Variants in LUC7L3 observed in about 807,000 individuals in gnomAD.
LUC7L3 encodes LUC7 like 3 pre-mRNA splicing factor.
LUC7L3 carries 6 observed loss-of-function variants against 66.8 expected under a neutral mutation model. The observed-to-expected ratio is 0.09, with a 90% CI of 0.05 to 0.18. The LOEUF is 0.18. LUC7L3 is among the 10% of genes least tolerant of loss of function. The pLI, the probability that LUC7L3 is intolerant of heterozygous loss-of-function variation, is 1.00. For synonymous variants in LUC7L3, 160 were observed against 174.7 expected (o/e 0.92, Z 0.66); for missense variants, 341 against 531.1 (o/e 0.64, Z 3.52).
intron 3 of LUC7L3, among the ~76,000 whole-genome samples, chr17:50,740,747 A>G (rs772507822): frequency 1.3e-5 from 2 of 152,170 alleles, no homozygotes; most frequent in Non-Finnish European, 2.9e-5. Flanking sequence ...TTTAGTAGAG[A>G]CAGGGTTTCA....
In LUC7L3 at chr17:50,741,741, G is replaced by C. The variant is rs200037704; in HGVS notation, c.426+10G>C. On this transcript the variant is annotated intron_variant, in intron 5 of 9. Coordinates refer to ENST00000505658, the MANE Select transcript of LUC7L3 (RefSeq NM_016424.5). ...TGTACTTCTGCAACAGGTGAGAATT[G>C]TGTGCATTAATGTCAGGAAGTAATG... The C allele has an allele frequency of 8.1e-6, 13 of 1,603,082 alleles. No homozygotes were observed. The highest frequency in any genetic ancestry group is 1.1e-5 in the Non-Finnish European group (13 of 1,170,578).
At chr17:50,738,839 G>A (rs774642380) in intron 2 of LUC7L3, among the ~76,000 whole-genome samples, 18 of 152,034 alleles carry the variant, frequency 1.2e-4, no homozygotes, top group Non-Finnish European at 1.6e-4. Context: ...AAGTGATCAG[G>A]ACAGTGAATG....
intron 1 of LUC7L3, chr17:50,736,636 G>T (rs553552655): frequency 1.7e-4 from 45 of 269,290 alleles, no homozygotes; most frequent in Non-Finnish European, 2.1e-4. Flanking sequence ...TAAGAATAGC[G>T]TAAGAGTTTT....
chr17:50,723,345 AT>A (rs1324398265), intron 1 of LUC7L3: 11 of 152,352 alleles, frequency 7.2e-5, no homozygotes, highest in African/African-American at 2.6e-4. Flanking sequence ...AAATTGAACT[AT>A]GTTCTTTTCT....
chr17:50,741,775 A>G, intron 5 of LUC7L3, 44 bp downstream of exon 5: 1 of 1,466,478 alleles, frequency 6.8e-7, no homozygotes, highest in South Asian at 1.1e-5. Flanking sequence ...TGTGAAACAG[A>G]CATGTAACCA....
Position 50,751,147 on chromosome 17 carries a change from G to C in LUC7L3, c.*486G>C. The C allele has an allele frequency of 3.4e-6, 5 of 1,473,632 alleles. No individual in the cohort carries two copies. The highest frequency in any genetic ancestry group is 4.5e-6 in the Non-Finnish European group (5 of 1,118,146). The allele number at this position is 1,473,632 out of a possible 1,614,324, so 91.3% of individuals were successfully genotyped here. ...CTACTTTGTTTTAATTAAACTGCTA[G>C]TATTTCTTTGTCAAGGATGTTTCTA... On this transcript the variant is annotated 3_prime_UTR_variant, in exon 10 of 10. Transcript: ENST00000505658.
At chr17:50,726,739 G>C (rs1207868012) in intron 1 of LUC7L3, among the ~76,000 whole-genome samples, 1 of 152,068 alleles carries the variant, frequency 6.6e-6, no homozygotes, top group Non-Finnish European at 1.5e-5. Flanking sequence ...CTTACTTATA[G>C]TTATTTTTTT....
At chr17:50,748,246 A>G (rs1970798687) in intron 9 of LUC7L3, 1 of 152,158 alleles carries the variant, frequency 6.6e-6, no homozygotes, top group Non-Finnish European at 1.5e-5. Flanking sequence ...TAATTTCTGG[A>G]TAGAGCAAAA....
chr17:50,730,197 C>T (rs1202529623), intron 1 of LUC7L3, among the ~76,000 whole-genome samples: 1 of 151,742 alleles, frequency 6.6e-6, no homozygotes. Flanking sequence ...GTCTCGAACT[C>T]CTGAGCTTAA....
At chr17:50,748,005 A>T (rs1273647500) in intron 9 of LUC7L3, among the ~76,000 whole-genome samples, 1 of 152,230 alleles carries the variant, frequency 6.6e-6, no homozygotes, top group East Asian at 1.9e-4. Flanking sequence ...GTCAACTCTT[A>T]AGAGCCAGGT....
At chr17:50,737,522 A>G (rs1289184250) in intron 2 of LUC7L3, 3 of 286,344 alleles carry the variant, frequency 1.0e-5, no homozygotes, top group African/African-American at 2.3e-5. Flanking sequence ...TGAAAATGAG[A>G]GAGATTAGTC....
chr17:50,723,270 A>C (rs1490024547), intron 1 of LUC7L3: 1 of 152,254 alleles, frequency 6.6e-6, no homozygotes, highest in South Asian at 2.1e-4. Flanking sequence ...TCTTCCATTT[A>C]TCAAACTCAA....
chr17:50,727,831 C>T (rs1417258024), intron 1 of LUC7L3, among the ~76,000 whole-genome samples: 2 of 151,800 alleles, frequency 1.3e-5, no homozygotes, highest in Non-Finnish European at 2.9e-5. Context: ...ATAGGCCGGG[C>T]GTGGTGGCTC....
At chr17:50,731,333 C>T (rs951165742) in intron 1 of LUC7L3, among the ~76,000 whole-genome samples, 6 of 152,016 alleles carry the variant, frequency 3.9e-5, no homozygotes, top group Non-Finnish European at 5.9e-5. Flanking sequence ...TATGCCTGGC[C>T]AGTTTTTGTA....
chr17:50,739,166 C>T (rs921871812), intron 2 of LUC7L3, among the ~76,000 whole-genome samples: 1 of 152,106 alleles, frequency 6.6e-6, no homozygotes, highest in Non-Finnish European at 1.5e-5. Context: ...TAATTCTCAT[C>T]TACTACAGAG....
chr17:50,751,821 G>A lies in LUC7L3; in HGVS notation c.*1160G>A, dbSNP rs912369513. 8.9e-6 allele frequency: 9 copies of A among 1,011,802 alleles called. No homozygotes were observed. The Admixed American group carries it at 1.7e-4, about 19-fold the overall frequency. 62.7% of individuals were successfully genotyped at this position (1,011,802 alleles called of 1,614,324 possible). On this transcript the variant is annotated 3_prime_UTR_variant, in exon 10 of 10. Coordinates refer to ENST00000505658, the MANE Select transcript of LUC7L3 (RefSeq NM_016424.5). ...AAAGAACTGATGCACTATATAGAAC[G>A]AATTTGGGTTTTTAAAGAAATATTA...
intron 1 of LUC7L3, among the ~76,000 whole-genome samples, chr17:50,726,680 T>C (rs1247583869): frequency 6.6e-6 from 1 of 152,158 alleles, no homozygotes; most frequent in African/African-American, 2.4e-5. Context: ...AAACTTAGGG[T>C]ATTGATAAAT....
chr17:50,728,166 T>G (rs1388911364), intron 1 of LUC7L3, among the ~76,000 whole-genome samples: 1 of 152,114 alleles, frequency 6.6e-6, no homozygotes, highest in African/African-American at 2.4e-5. Context: ...AGTTTAGATT[T>G]TATTACATTG....
intron 7 of LUC7L3, among the ~76,000 whole-genome samples, chr17:50,745,251 C>T (rs1443666769): frequency 6.6e-6 from 1 of 152,096 alleles, no homozygotes. Flanking sequence ...CTCAGCCTCC[C>T]AAAGTGCTGA....
Sources: gnomAD v4.1 joint callset for allele counts (sites outside exome capture counted in the v4.1 genomes callset) on GRCh38, gnomAD v4.1.1 for gene constraint, MANE v1.5 for transcripts, NCBI Gene and HGNC (gene_info 2026-07-23, HGNC 2026-07-21) for gene names.